The following ANXA11 variants were observed in gnomAD, a reference collection of about 807,000 sequenced individuals.
The protein encoded by ANXA11 is 56 kDa autoantigen.
ANXA11 carries 57 observed loss-of-function variants against 64.7 expected under a neutral mutation model. The ratio of observed to expected loss-of-function variants is 0.88; its 90% CI spans 0.71 to 1.10. ANXA11 has a LOEUF of 1.10. Ranked by LOEUF, ANXA11 falls within the 50% of genes least tolerant of loss-of-function variation. The pLI is 0.00. For synonymous variants in ANXA11, 260 were observed against 265.2 expected (o/e 0.98, Z 0.19); for missense variants, 675 against 670.7 (o/e 1.01, Z -0.07).
intron 15 of ANXA11, 86 bp from the exon 16 acceptor site, chr10:80,155,998 C>G: frequency 7.3e-7 from 1 of 1,368,560 alleles, no homozygotes; most frequent in South Asian, 1.2e-5. Flanking sequence ...CCCTGAGCAC[C>G]CTTATAGGGA....
intron 1 of ANXA11, among the ~76,000 whole-genome samples, chr10:80,183,456 A>C (rs2132458932): frequency 6.6e-6 from 1 of 152,346 alleles, no homozygotes; most frequent in Middle Eastern, 3.4e-3. Context: ...CTAGACTTAC[A>C]GACTCACAAA....
chr10:80,171,426 TA>T (rs1246565889), intron 3 of ANXA11, among the ~76,000 whole-genome samples: 2 of 152,120 alleles, frequency 1.3e-5, no homozygotes, highest in African/African-American at 4.8e-5. Flanking sequence ...TGGGTCATGG[TA>T]AACACAGATA....
intron 4 of ANXA11, among the ~76,000 whole-genome samples, chr10:80,170,381 T>C (rs1845923457): frequency 6.6e-6 from 1 of 152,188 alleles, no homozygotes; most frequent in South Asian, 2.1e-4. Flanking sequence ...AAGTAGCATG[T>C]CTGCCCAAGA....
At position 80,169,200 on chromosome 10, in the gene ANXA11, T is replaced by C; in HGVS notation, c.330A>G (p.Gly110=). Residue 110 remains glycine (G), a synonymous_variant, in exon 5 of 16, where the codon GGA becomes GGG. Transcript: ENST00000422982. Reference sequence around the variant, plus strand: ...AGGGCATCCTGGAGGGTGGGTTTCCTCCTGGGGGTGGATACATCCCATAGG... The same window carrying C: ...AGGGCATCCTGGAGGGTGGGTTTCCCCCTGGGGGTGGATACATCCCATAGG... ...VPPYGMYPPP[G]GNPPSRMPSY... is the part of the protein sequence containing the mutation. 1.9e-6 allele frequency: 3 copies of C among 1,607,780 alleles called. No individual in the cohort carries two copies.
At chr10:80,202,403 T>C (rs1282148695) in intron 1 of ANXA11, among the ~76,000 whole-genome samples, 2 of 152,184 alleles carry the variant, frequency 1.3e-5, no homozygotes, top group African/African-American at 2.4e-5. Flanking sequence ...TATCAGGTCT[T>C]TATTTCATGG....
Position 80,163,384 on chromosome 10 carries a change from T to C in ANXA11, c.1051A>G (p.Asn351Asp). Residue 351 changes from asparagine to aspartate, a missense_variant, in exon 11 of 16, where the codon AAC becomes GAC. Transcript: ENST00000422982. The stretch of plus-strand genomic sequence containing the variant: ...CTCTGGGCGAGTGACATGTCCACGT[T>C]TGTGCTTTCATCACGGTTTCCCTGA... ...LSQGNRDEST[N>D]VDMSLAQRDA... 1.2e-6 allele frequency: 2 copies of C among 1,613,944 alleles called. No homozygotes were observed. The highest frequency in any genetic ancestry group is 2.2e-5 in the South Asian group (2 of 91,060).
At chr10:80,175,597 AAAG>A (rs1846141503) in intron 2 of ANXA11, among the ~76,000 whole-genome samples, 1 of 152,128 alleles carries the variant, frequency 6.6e-6, no homozygotes, top group Non-Finnish European at 1.5e-5. Flanking sequence ...AAAAAAAAAT[AAAG>A]ATGAGAAAAA....
chr10:80,194,084 A>T (rs553513949), intron 1 of ANXA11, among the ~76,000 whole-genome samples: 44 of 152,230 alleles, frequency 2.9e-4, no homozygotes, highest in Non-Finnish European at 5.4e-4. Context: ...TATATTTTTT[A>T]GGGGAAAGTT....
Position 80,154,024 on chromosome 10 carries a change from A to G in ANXA11, c.*1829T>C, listed in dbSNP as rs1362738844. ...GTAATCACAGCTTACTACGGCCTCA[A>G]TTTCTTGGGCTCTAAGGATCTTCCT... On this transcript the variant is annotated 3_prime_UTR_variant, in exon 16 of 16. Transcript: ENST00000422982. The G allele has an allele frequency of 1.3e-5, 2 of 151,782 alleles. No homozygotes were observed. Among genetic ancestry groups the G allele is most frequent in the African/African-American group, 4.8e-5 (2 of 41,284 alleles). 9.4% of individuals were successfully genotyped at this position (151,782 alleles called of 1,614,324 possible).
rs531563698 is a variant in ANXA11 at position 80,161,508 on chromosome 10, C to T, written c.1180+427G>A. 3.9e-3 allele frequency among the ~76,000 whole-genome samples: 601 copies of T among 152,354 alleles called. 6 individuals carry two copies. Among genetic ancestry groups the T allele is most frequent in the African/African-American group, 0.014 (583 of 41,590 alleles). On this transcript the variant is annotated intron_variant, in intron 12 of 15. Coordinates refer to ENST00000422982, the MANE Select transcript of ANXA11 (RefSeq NM_145868.2). Reference sequence around the variant, plus strand: ...GGAACACACTCTGCAGTGCCCTGCCCCCCACCGTGGCCCCACACCTGCTCC... The same window carrying T: ...GGAACACACTCTGCAGTGCCCTGCCTCCCACCGTGGCCCCACACCTGCTCC...
At chr10:80,157,022 C>A (rs543674389) in intron 15 of ANXA11, 2 of 985,264 alleles carry the variant, frequency 2.0e-6, no homozygotes, top group Admixed American at 6.1e-5. Flanking sequence ...TGCCACACAG[C>A]GATACAACTG....
intron 9 of ANXA11, among the ~76,000 whole-genome samples, 175 bp downstream of exon 9, chr10:80,163,878 A>G (rs536085477): frequency 6.6e-5 from 10 of 152,158 alleles, no homozygotes; most frequent in Admixed American, 3.3e-4. Flanking sequence ...CCATGTATAA[A>G]CAGAAGGAAG....
At chr10:80,171,162 C>T (rs1033327783) in intron 3 of ANXA11, 2 of 1,391,122 alleles carry the variant, frequency 1.4e-6, no homozygotes, top group Non-Finnish European at 1.9e-6. Flanking sequence ...TCCCAAGACC[C>T]TCTGTGGGGT....
intron 3 of ANXA11, 48 bp downstream of exon 3, chr10:80,172,759 C>G (rs1218756702): frequency 6.3e-7 from 1 of 1,580,356 alleles, no homozygotes; most frequent in South Asian, 1.1e-5. Context: ...CTCCCAGCCA[C>G]TGTACAGAGG....
chr10:80,171,062 C>G, intron 3 of ANXA11, 147 bp from the exon 4 acceptor site: 1 of 1,523,498 alleles, frequency 6.6e-7, no homozygotes, highest in East Asian at 2.5e-5. Flanking sequence ...CACATGAAAA[C>G]ACCAGGAGGA....
rs1305825962 is a variant in ANXA11 at position 80,155,867 on chromosome 10, C to T, written c.1504G>A (p.Gly502Ser). 1 of 1,614,206 alleles carries T rather than the reference C, an allele frequency of 6.2e-7. No homozygotes were observed. ...CCAGTCACTGTTCAGTCATTGCCAC[C>T]ACAGATCTTCAGCAGAATCTTCCGG... is the stretch of plus-strand genomic sequence containing the variant. ...DYRKILLKIC[G>S]GND Residue 502 changes from glycine to serine, a missense_variant, in exon 16 of 16, where the codon GGT (glycine) becomes AGT (serine). Gly to Ser is a moderately conservative substitution (Grantham distance 56). Coordinates refer to ENST00000422982, the MANE Select transcript of ANXA11 (RefSeq NM_145868.2).
chr10:80,159,955 C>T (rs1476540758), intron 12 of ANXA11, among the ~76,000 whole-genome samples: 2 of 152,182 alleles, frequency 1.3e-5, no homozygotes, highest in African/African-American at 4.8e-5. Context: ...AGCCTGGCTT[C>T]TTGCTGCTCA....
chr10:80,183,489 T>C (rs1024702697), intron 1 of ANXA11, among the ~76,000 whole-genome samples: 2 of 152,254 alleles, frequency 1.3e-5, no homozygotes, highest in African/African-American at 4.8e-5. Flanking sequence ...GAAGGGATCA[T>C]GTTCTAACTT....
chr10:80,199,221 C>T (rs1041751723), intron 1 of ANXA11, among the ~76,000 whole-genome samples: 61 of 151,908 alleles, frequency 4.0e-4, no homozygotes, highest in African/African-American at 1.3e-3. Context: ...CCTCAGCCTC[C>T]CGAGTAGCTG....
Sources: allele counts gnomAD v4.1 joint callset (sites outside exome capture counted in the v4.1 genomes callset), GRCh38; gene constraint gnomAD v4.1.1; transcripts MANE v1.5; gene names NCBI Gene and HGNC (gene_info 2026-07-23, HGNC 2026-07-21).